TRDN: variants seen among roughly 807,000 people sequenced by gnomAD.
The protein encoded by TRDN is triadin, also known as triadin in skeletal muscle.
In TRDN, 161 loss-of-function variants were observed where a neutral mutation model predicts 149.7. The ratio of observed to expected loss-of-function variants is 1.08; its 90% CI spans 0.95 to 1.23. TRDN has a LOEUF of 1.23. Among genes scored for constraint, TRDN ranks in the 50% most tolerant of loss-of-function variants. The pLI, the probability that TRDN is intolerant of heterozygous loss-of-function variation, is 0.00. For missense variants in TRDN, 896 were observed against 823.5 expected (o/e 1.09, Z -1.08); for synonymous variants, 294 against 250.5 (o/e 1.17, Z -1.64).
At chr6:123,636,634 C>G in intron 1 of TRDN, 120 bp downstream of exon 1, 1 of 1,168,540 alleles carries the variant, frequency 8.6e-7, no homozygotes, top group African/African-American at 1.5e-5. Flanking sequence ...TGTATAGAAT[C>G]ATTGACCAAG....
chr6:123,309,554 C>T (rs1778736756), intron 24 of TRDN, among the ~76,000 whole-genome samples: 1 of 151,944 alleles, frequency 6.6e-6, no homozygotes, highest in South Asian at 2.1e-4. Context: ...TCATGTATCG[C>T]TAGTATAAAG....
At chr6:123,603,173 TCTAAA>T (rs1482823801) in intron 1 of TRDN, among the ~76,000 whole-genome samples, 1 of 38,742 alleles carries the variant, frequency 2.6e-5, no homozygotes, top group Non-Finnish European at 7.5e-5. Context: ...GTACACATAA[TCTAAA>T]CTAAGATCAC....
chr6:123,461,467 T>C (rs796872454), intron 10 of TRDN, among the ~76,000 whole-genome samples: 1 of 152,230 alleles, frequency 6.6e-6, no homozygotes, highest in Admixed American at 6.5e-5. Context: ...TAAGTATAAC[T>C]TAACTTCTTC....
At chr6:123,294,038 G>A (rs1315670749) in intron 24 of TRDN, among the ~76,000 whole-genome samples, 3 of 152,118 alleles carry the variant, frequency 2.0e-5, no homozygotes, top group African/African-American at 4.8e-5. Context: ...ACCAACACAG[G>A]TCAGGCATTA....
chr6:123,441,206 C>A (rs2114604569), intron 10 of TRDN: 1 of 152,132 alleles, frequency 6.6e-6, no homozygotes, highest in African/African-American at 2.4e-5. Context: ...TGATTATATC[C>A]TACTTGGATA....
intron 1 of TRDN, among the ~76,000 whole-genome samples, chr6:123,619,646 C>A (rs1243808491): frequency 2.6e-5 from 4 of 152,068 alleles, no homozygotes; most frequent in African/African-American, 9.7e-5. Context: ...GTCAAGATCA[C>A]AGTATAAGAA....
At chr6:123,323,131 G>A (rs756286023) in intron 23 of TRDN, among the ~76,000 whole-genome samples, 17 of 152,032 alleles carry the variant, frequency 1.1e-4, no homozygotes, top group African/African-American at 4.1e-4. Context: ...CATTTTTAGG[G>A]TGTTTAAACC....
chr6:123,365,867 T>C (rs903717029), intron 20 of TRDN, among the ~76,000 whole-genome samples: 1 of 152,102 alleles, frequency 6.6e-6, no homozygotes, highest in Admixed American at 6.5e-5. Context: ...TCCTATGGAG[T>C]TTAAACAGTT....
intron 20 of TRDN, among the ~76,000 whole-genome samples, chr6:123,365,092 A>C (rs556157186): frequency 2.6e-5 from 4 of 152,316 alleles, no homozygotes; most frequent in East Asian, 1.9e-4. Flanking sequence ...TTAGATTATA[A>C]GAAAAAGAAA....
chr6:123,265,346 G>T lies in TRDN; in HGVS notation c.1784-8C>A. Reference sequence around the variant, plus strand: ...GAGTTGGTTTTGGTTTGTCTAAAAAGGAAAAAAGAAAAAAAAAGAAAATGA... The same window carrying T: ...GAGTTGGTTTTGGTTTGTCTAAAAATGAAAAAAGAAAAAAAAAGAAAATGA... On this transcript the variant is annotated splice_polypyrimidine_tract_variant and splice_region_variant and intron_variant, in intron 32 of 40. Coordinates refer to ENST00000334268, the MANE Select transcript of TRDN (RefSeq NM_006073.4). 1.4e-6 allele frequency: 2 copies of T among 1,400,758 alleles called. No homozygotes were observed. Among genetic ancestry groups the T allele is most frequent in the Non-Finnish European group, 1.9e-6 (2 of 1,048,992 alleles). The allele number at this position is 1,400,758 out of a possible 1,614,324, so 86.8% of individuals were successfully genotyped here.
chr6:123,594,791 T>G (rs1783955935), intron 1 of TRDN, among the ~76,000 whole-genome samples: 1 of 151,980 alleles, frequency 6.6e-6, no homozygotes, highest in Non-Finnish European at 1.5e-5. Context: ...ATTATTTAGG[T>G]AGCATGACTT....
intron 9 of TRDN, among the ~76,000 whole-genome samples, chr6:123,476,438 T>C (rs1409581338): frequency 2.7e-5 from 3 of 109,712 alleles, no homozygotes; most frequent in African/African-American, 9.9e-5. Context: ...GAACATTCCA[T>C]GCTCATGGGT....
intron 38 of TRDN, among the ~76,000 whole-genome samples, chr6:123,248,343 G>T (rs1008199646): frequency 1.3e-5 from 2 of 152,078 alleles, no homozygotes; most frequent in African/African-American, 2.4e-5. Flanking sequence ...GATCACCTGA[G>T]GTCAGGAGTT....
rs573978954 is a variant in TRDN at position 123,426,545 on chromosome 6, C to T, written c.1051+11518G>A. 3.1e-4 allele frequency among the ~76,000 whole-genome samples: 47 copies of T among 152,250 alleles called. 1 individual carries two copies. The highest frequency in any genetic ancestry group is 3.4e-3 in the Middle Eastern group (1 of 294). ...ACAGCCCAAGTGGTTTACCACATTC[C>T]GCTGATAGGCTTATATCACATGTTC... On this transcript the variant is annotated intron_variant, in intron 12 of 40. Transcript: ENST00000334268.
chr6:123,603,462 G>C (rs1351894924), intron 1 of TRDN, among the ~76,000 whole-genome samples: 3 of 151,314 alleles, frequency 2.0e-5, no homozygotes, highest in Non-Finnish European at 4.4e-5. Flanking sequence ...TTTGGTATTT[G>C]TTTTGTTTTT....
At chr6:123,563,394 T>C (rs1782103628) in intron 2 of TRDN, among the ~76,000 whole-genome samples, 1 of 152,176 alleles carries the variant, frequency 6.6e-6, no homozygotes, top group Non-Finnish European at 1.5e-5. Flanking sequence ...CTGTCAAGTA[T>C]CCAGATGAAA....
intron 1 of TRDN, among the ~76,000 whole-genome samples, chr6:123,571,349 T>G (rs1242566043): frequency 6.6e-6 from 1 of 152,218 alleles, no homozygotes; most frequent in Non-Finnish European, 1.5e-5. Context: ...ATATAATCAG[T>G]GTTTCTCATC....
chr6:123,299,227 G>T (rs1778315424), intron 24 of TRDN, among the ~76,000 whole-genome samples: 1 of 152,112 alleles, frequency 6.6e-6, no homozygotes, highest in Non-Finnish European at 1.5e-5. Flanking sequence ...TGGAATGTCA[G>T]GATATTGGTT....
chr6:123,576,696 G>T (rs953584061), intron 1 of TRDN, among the ~76,000 whole-genome samples: 4 of 151,954 alleles, frequency 2.6e-5, no homozygotes, highest in African/African-American at 9.7e-5. Flanking sequence ...GGATTTCAAT[G>T]TGTATTTTGG....
Sources: allele counts gnomAD v4.1 joint callset (sites outside exome capture counted in the v4.1 genomes callset), GRCh38; gene constraint gnomAD v4.1.1; transcripts MANE v1.5; gene names NCBI Gene and HGNC (gene_info 2026-07-23, HGNC 2026-07-21).